Variants in GEMIN5 observed in about 807,000 individuals in gnomAD.
GEMIN5 encodes the protein gem nuclear organelle associated protein 5.
A neutral mutation model predicts 176.9 loss-of-function variants in GEMIN5; 124 were observed. That is an observed-to-expected ratio of 0.70 (90% CI 0.61 to 0.81). The LOEUF (loss-of-function observed/expected upper bound fraction) is 0.81, where lower values mean the gene tolerates loss of function less well. GEMIN5 is among the 40% of genes least tolerant of loss of function. The probability of loss-of-function intolerance (pLI) is 0.00; values close to 1 mark genes in which losing one functional copy is unlikely to be tolerated. For missense variants in GEMIN5, 1,843 were observed against 1,814.6 expected (o/e 1.02, Z -0.28); for synonymous variants, 673 against 665.2 (o/e 1.01, Z -0.18).
intron 1 of GEMIN5, 53 bp downstream of exon 1, chr5:154,937,915 C>T (rs868632918): frequency 9.6e-6 from 14 of 1,460,280 alleles, no homozygotes; most frequent in Admixed American, 2.7e-5. Context: ...ACTCGGCGCC[C>T]CTGGGGAGCG....
intron 10 of GEMIN5, among the ~76,000 whole-genome samples, chr5:154,920,690 C>T (rs1253952695): frequency 2.6e-5 from 4 of 152,192 alleles, no homozygotes; most frequent in African/African-American, 7.2e-5. Flanking sequence ...TCCAATGCTA[C>T]TTGAGTTCTG....
chr5:154,914,044 T>G (rs1157512309), intron 13 of GEMIN5, among the ~76,000 whole-genome samples: 1 of 151,870 alleles, frequency 6.6e-6, no homozygotes, highest in Non-Finnish European at 1.5e-5. Flanking sequence ...TTTTTTGAGA[T>G]GGAGTTTCAC....
At chr5:154,914,687 T>A (rs1362368923) in intron 13 of GEMIN5, among the ~76,000 whole-genome samples, 1 of 151,904 alleles carries the variant, frequency 6.6e-6, no homozygotes, top group African/African-American at 2.4e-5. Flanking sequence ...TCAAGTGATC[T>A]TCCTGCCATG....
At chr5:154,915,695 T>A (rs1037039993) in intron 13 of GEMIN5, among the ~76,000 whole-genome samples, 2 of 152,182 alleles carry the variant, frequency 1.3e-5, no homozygotes, top group African/African-American at 4.8e-5. Flanking sequence ...ACGTTACCTA[T>A]CACCCTCACA....
chr5:154,936,155 G>A, intron 2 of GEMIN5, 133 bp from the exon 3 acceptor site: 2 of 598,440 alleles, frequency 3.3e-6, no homozygotes, highest in Non-Finnish European at 5.8e-6. Flanking sequence ...GGTGGCTCAC[G>A]CCTGTAATCC....
chr5:154,922,085 GATCA>G (rs1763933989), intron 9 of GEMIN5, among the ~76,000 whole-genome samples: 1 of 152,216 alleles, frequency 6.6e-6, no homozygotes, highest in Non-Finnish European at 1.5e-5. Flanking sequence ...AATTTATAGT[GATCA>G]ATCTAGAGAA....
chr5:154,896,019 G>T, intron 24 of GEMIN5, 73 bp downstream of exon 24: 1 of 1,540,238 alleles, frequency 6.5e-7, no homozygotes, highest in Non-Finnish European at 8.9e-7. Context: ...TTGTTTCCCC[G>T]TTACAATAGA....
Position 154,896,078 on chromosome 5 carries a change from T to C in GEMIN5, c.3597+14A>G. ...CTGAGTGATTAATGTCAAATGCTGGTACAGATGGCTTACCTGTTTGGCAGG... is the reference window on the plus strand; with the variant it reads ...CTGAGTGATTAATGTCAAATGCTGGCACAGATGGCTTACCTGTTTGGCAGG... On this transcript the variant is annotated intron_variant, in intron 24 of 27. Transcript: ENST00000285873. The C allele has an allele frequency of 6.2e-7, 1 of 1,612,298 alleles. No homozygotes were observed. Among genetic ancestry groups the C allele is most frequent in the Non-Finnish European group, 8.5e-7 (1 of 1,179,452 alleles).
At position 154,905,284 on chromosome 5, in the gene GEMIN5, T is replaced by C. The variant is rs531667150; in HGVS notation, c.2509+79A>G. 98 of 624,702 alleles carry C rather than the reference T, an allele frequency of 1.6e-4. 1 individual carries two copies. In the South Asian group the frequency reaches 2.1e-3, roughly 14 times the overall value. The allele number at this position is 624,702 out of a possible 1,614,324, so 38.7% of individuals were successfully genotyped here. A position where few individuals can be genotyped will look rare whatever the true frequency, so the allele number is the denominator to read the frequency against. On this transcript the variant is annotated intron_variant, in intron 17 of 27. Transcript: ENST00000285873. ...AAAACAAACAAGAAACCACACTGTT[T>C]TTTGACAGTTGCGTGTAATATATGT...
chr5:154,919,955 A>G lies in GEMIN5; in HGVS notation c.1599+12T>C. The G allele has an allele frequency of 6.2e-7, 1 of 1,611,708 alleles. No individual in the cohort carries two copies. The highest frequency in any genetic ancestry group is 8.5e-7 in the Non-Finnish European group (1 of 1,178,956). ...TGTAAAAAGAAAATACTTCAGGACC[A>G]CAAGAACTCACTTTGATTGAATTGG... is the stretch of plus-strand genomic sequence containing the variant. On this transcript the variant is annotated intron_variant, in intron 11 of 27. Coordinates refer to ENST00000285873, the MANE Select transcript of GEMIN5 (RefSeq NM_015465.5).
intron 27 of GEMIN5, 61 bp from the exon 28 acceptor site, chr5:154,888,438 G>T: frequency 7.2e-7 from 1 of 1,393,882 alleles, no homozygotes; most frequent in Non-Finnish European, 1.0e-6. Context: ...ACAAACACCT[G>T]CACAGAAGGC....
intron 9 of GEMIN5, among the ~76,000 whole-genome samples, chr5:154,922,747 A>C (rs1184521943): frequency 4.9e-5 from 7 of 141,446 alleles, no homozygotes; most frequent in African/African-American, 1.9e-4. Flanking sequence ...CCCAGGCTGG[A>C]GCACAGTGGC....
At position 154,931,594 on chromosome 5, in the gene GEMIN5, A is replaced by G. The variant is rs1356464853; in HGVS notation, c.662-17T>C. On this transcript the variant is annotated splice_polypyrimidine_tract_variant and intron_variant, in intron 4 of 27. Transcript: ENST00000285873. ...CAGCTTCTTCTATGAGATAGGTGGC[A>G]ATTTTGTTTTTAATTTACATTAAAC... The G allele has an allele frequency of 1.3e-6, 2 of 1,574,350 alleles. No individual in the cohort carries two copies. Among genetic ancestry groups the G allele is most frequent in the South Asian group, 2.3e-5 (2 of 87,004 alleles).
At chr5:154,933,750 C>T (rs540080367) in intron 3 of GEMIN5, among the ~76,000 whole-genome samples, 1 of 152,126 alleles carries the variant, frequency 6.6e-6, no homozygotes, top group Middle Eastern at 3.4e-3. Context: ...TGAAAACTGC[C>T]AAGTTATGCA....
intron 8 of GEMIN5, among the ~76,000 whole-genome samples, chr5:154,924,902 A>T (rs348756): frequency 0.95 from 144,096 of 151,698 alleles, 68,602 homozygotes; most frequent in South Asian, 0.99. Flanking sequence ...GGCAGGAGAA[A>T]GGCGTGAACC....
At chr5:154,894,768 A>T (rs1046459955) in intron 24 of GEMIN5, among the ~76,000 whole-genome samples, 1 of 152,094 alleles carries the variant, frequency 6.6e-6, no homozygotes, top group African/African-American at 2.4e-5. Context: ...TTAGCCGGGC[A>T]TGGTGGCAGG....
chr5:154,893,552 C>T (rs1180179976), intron 24 of GEMIN5, among the ~76,000 whole-genome samples: 1 of 152,190 alleles, frequency 6.6e-6, no homozygotes, highest in Non-Finnish European at 1.5e-5. Flanking sequence ...AAAATCAAGA[C>T]AGAACATTTT....
intron 21 of GEMIN5, among the ~76,000 whole-genome samples, chr5:154,899,837 T>A (rs1763429580): frequency 6.6e-6 from 1 of 152,152 alleles, no homozygotes; most frequent in Non-Finnish European, 1.5e-5. Flanking sequence ...TGTTCTCTGC[T>A]GCATTCCAAA....
chr5:154,893,255 T>TAAA (rs70981957), intron 24 of GEMIN5, among the ~76,000 whole-genome samples: 878 of 85,620 alleles, frequency 0.01, 30 homozygotes, highest in African/African-American at 0.039. Flanking sequence ...AGCCCGTCTC[T>TAAA]AAAAAAAAAA....
Sources: gnomAD v4.1 joint callset for allele counts (sites outside exome capture counted in the v4.1 genomes callset) on GRCh38, gnomAD v4.1.1 for gene constraint, MANE v1.5 for transcripts, NCBI Gene and HGNC (gene_info 2026-07-23, HGNC 2026-07-21) for gene names.